MACROH2A1: variants seen among roughly 807,000 people sequenced by gnomAD.
MACROH2A1 encodes core histone macro-H2A.1.
MACROH2A1 carries 2 observed loss-of-function variants against 31.6 expected under a neutral mutation model. The observed-to-expected ratio is 0.06, with a 90% CI of 0.03 to 0.20. The LOEUF is 0.20. Ranked by LOEUF, MACROH2A1 falls within the 10% of genes least tolerant of loss-of-function variation. The pLI is 1.00. For missense variants in MACROH2A1, 230 were observed against 474.0 expected (o/e 0.49, Z 4.78); for synonymous variants, 169 against 189.6 (o/e 0.89, Z 0.89).
intron 6 of MACROH2A1, chr5:135,346,592 G>A (rs143996990): frequency 3.9e-4 from 59 of 152,818 alleles, no homozygotes; most frequent in Non-Finnish European, 7.6e-4. Flanking sequence ...ACCATGCTTA[G>A]TTCCTGTTTT....
chr5:135,345,854 T>A, intron 7 of MACROH2A1, 114 bp downstream of exon 7: 1 of 720,118 alleles, frequency 1.4e-6, no homozygotes, highest in East Asian at 2.6e-5. Context: ...GCCTCCATCT[T>A]GAAGATGCGG....
chr5:135,374,995 T>C (rs1304216069), intron 2 of MACROH2A1, among the ~76,000 whole-genome samples: 3 of 152,206 alleles, frequency 2.0e-5, no homozygotes, highest in African/African-American at 7.2e-5. Context: ...ACTAGACTGA[T>C]TTGGGGCCCA....
intron 8 of MACROH2A1, chr5:135,343,048 C>T: frequency 8.3e-7 from 1 of 1,203,210 alleles, no homozygotes; most frequent in Non-Finnish European, 1.1e-6. Flanking sequence ...GCTATCAAAA[C>T]TTAAGTTTTA....
chr5:135,384,665 G>A (rs927022577), intron 2 of MACROH2A1, among the ~76,000 whole-genome samples: 2 of 152,180 alleles, frequency 1.3e-5, no homozygotes, highest in African/African-American at 4.8e-5. Flanking sequence ...AAGATTACTG[G>A]AGACTCCCTT....
intron 1 of MACROH2A1, among the ~76,000 whole-genome samples, chr5:135,395,332 A>T (rs1052995119): frequency 1.3e-5 from 2 of 152,220 alleles, no homozygotes; most frequent in Admixed American, 6.5e-5. Context: ...CAATGAATAC[A>T]TGCCTATTGA....
At chr5:135,338,327 C>T (rs1759156629) in intron 8 of MACROH2A1, among the ~76,000 whole-genome samples, 1 of 152,220 alleles carries the variant, frequency 6.6e-6, no homozygotes, top group African/African-American at 2.4e-5. Flanking sequence ...CTTGTTTCCC[C>T]ATCCTGTGAA....
Position 135,354,770 on chromosome 5 carries a change from G to A in MACROH2A1, c.589-1725C>T, listed in dbSNP as rs114265222. On this transcript the variant is annotated intron_variant, in intron 5 of 8. Transcript: ENST00000511689. ...CTCTCAGGATTTAGAACAAGGCAAAGGATTTTACTCTATTATTTAGTTCTG... is the reference window on the plus strand; with the variant it reads ...CTCTCAGGATTTAGAACAAGGCAAAAGATTTTACTCTATTATTTAGTTCTG... 2,150 of 319,572 alleles carry A rather than the reference G, an allele frequency of 6.7e-3. 53 individuals carry two copies. Among genetic ancestry groups the A allele is most frequent in the African/African-American group, 0.044 (2,011 of 45,696 alleles). The allele number at this position is 319,572 out of a possible 1,614,324, so 19.8% of individuals were successfully genotyped here.
At chr5:135,344,392 A>G (rs1760469842) in intron 7 of MACROH2A1, 1 of 151,902 alleles carries the variant, frequency 6.6e-6, no homozygotes, top group Admixed American at 6.5e-5. Context: ...TTTTTAAGGA[A>G]TATCTGTCCA....
rs997813605 is a variant in MACROH2A1 at position 135,398,726 on chromosome 5, T to A, written c.-34+336A>T. Among the ~76,000 whole-genome samples, 1 of 152,128 alleles carries A rather than the reference T, an allele frequency of 6.6e-6. No individual in the cohort carries two copies. Among genetic ancestry groups the A allele is most frequent in the Non-Finnish European group, 1.5e-5 (1 of 68,006 alleles). ...CTCCTGCGGCCTCGGGCCTGGCCCG[T>A]GAGCCCGCCCCAGGAAGGGTCGCCA... On this transcript the variant is annotated intron_variant, in intron 1 of 8. Coordinates refer to ENST00000511689, the MANE Select transcript of MACROH2A1 (RefSeq NM_138610.3). This position sits in a 1 kb window ranked among gnomAD's most constrained non-coding sequence, Gnocchi z 4.6.
intron 8 of MACROH2A1, among the ~76,000 whole-genome samples, chr5:135,341,905 G>A (rs1388916836): frequency 6.6e-6 from 1 of 152,222 alleles, no homozygotes; most frequent in Non-Finnish European, 1.5e-5. Context: ...GCCTTCCTTG[G>A]GTGCTGGGAG....
chr5:135,350,334 C>T (rs1479527950), intron 6 of MACROH2A1, among the ~76,000 whole-genome samples: 2 of 152,124 alleles, frequency 1.3e-5, no homozygotes, highest in Non-Finnish European at 2.9e-5. Flanking sequence ...TCCTTGTGCA[C>T]CTGAGGCTTT....
chr5:135,369,963 G>T lies in MACROH2A1; in HGVS notation c.279+73C>A. 1.0e-6 allele frequency: 1 copy of T among 970,968 alleles called. No individual in the cohort carries two copies. Among genetic ancestry groups the T allele is most frequent in the Non-Finnish European group, 1.6e-6 (1 of 623,128 alleles). 60.1% of individuals were successfully genotyped at this position (970,968 alleles called of 1,614,324 possible). On this transcript the variant is annotated intron_variant, in intron 3 of 8. Coordinates refer to ENST00000511689, the MANE Select transcript of MACROH2A1 (RefSeq NM_138610.3). This position sits in a 1 kb window ranked among gnomAD's most constrained non-coding sequence, Gnocchi z 4.3. ...CCTTTCATAACCAGCCAACACCAAA[G>T]CCTCTCAGCTATGTTTCTTGGGCAG...
chr5:135,370,226 T>C, intron 2 of MACROH2A1, 84 bp from the exon 3 acceptor site: 1 of 803,246 alleles, frequency 1.2e-6, no homozygotes, highest in Non-Finnish European at 2.0e-6. Flanking sequence ...GTGCCAGGAA[T>C]GGGCAGAGGC....
rs148602893 is a variant in MACROH2A1 at position 135,396,165 on chromosome 5, C to A, written c.-34+2897G>T. Among the ~76,000 whole-genome samples the A allele has an allele frequency of 1.8e-3, 270 of 152,254 alleles. 2 individuals carry two copies. Among genetic ancestry groups the A allele is most frequent in the African/African-American group, 6.1e-3 (252 of 41,546 alleles). On this transcript the variant is annotated intron_variant, in intron 1 of 8. Coordinates refer to ENST00000511689, the MANE Select transcript of MACROH2A1 (RefSeq NM_138610.3). ...CTGCCTGCTTTACAAAAAAACTTTT[C>A]TACATACTCCTCTCTCTTTTAAAGG...
intron 2 of MACROH2A1, among the ~76,000 whole-genome samples, chr5:135,382,689 G>C (rs1765810815): frequency 1.3e-5 from 2 of 152,214 alleles, no homozygotes; most frequent in African/African-American, 2.4e-5. Flanking sequence ...AAAGGACATT[G>C]TTAGGGGAAT....
intron 2 of MACROH2A1, among the ~76,000 whole-genome samples, chr5:135,381,968 T>G (rs1765717657): frequency 6.6e-6 from 1 of 152,224 alleles, no homozygotes; most frequent in South Asian, 2.1e-4. Flanking sequence ...AAAACCGAAG[T>G]GGAGGACACT....
rs139457399 is a variant in MACROH2A1, at chr5:135,397,994, T to C, written c.-34+1068A>G. Among the ~76,000 whole-genome samples, 321 of 152,316 alleles carry C rather than the reference T, an allele frequency of 2.1e-3. 2 individuals carry two copies. The highest frequency in any genetic ancestry group is 7.3e-3 in the African/African-American group (303 of 41,556). On this transcript the variant is annotated intron_variant, in intron 1 of 8. Coordinates refer to ENST00000511689, the MANE Select transcript of MACROH2A1 (RefSeq NM_138610.3). ...AGCAGGAGTGCCCCCTCTAATTGTC[T>C]ATTCTTATGTGCTGTTTACTGGGTC...
chr5:135,394,056 AATAAGGTGGAC>A (rs1767622348), intron 1 of MACROH2A1, among the ~76,000 whole-genome samples: 1 of 152,160 alleles, frequency 6.6e-6, no homozygotes, highest in Admixed American at 6.5e-5. Context: ...AGACCCCATG[AATAAGGTGGAC>A]ATGAGAACAA....
intron 8 of MACROH2A1, chr5:135,337,899 C>T (rs1447014816): frequency 3.8e-6 from 4 of 1,050,864 alleles, no homozygotes; most frequent in South Asian, 4.9e-5. Flanking sequence ...CCAGGACAAC[C>T]CTTTGTTGAC....
Sources: gnomAD v4.1 joint callset for allele counts (sites outside exome capture counted in the v4.1 genomes callset) on GRCh38, gnomAD v4.1.1 for gene constraint, Gnocchi (gnomAD v3.1) non-coding constraint, MANE v1.5 for transcripts, NCBI Gene and HGNC (gene_info 2026-07-23, HGNC 2026-07-21) for gene names.